ZNF735: variants seen among roughly 807,000 people sequenced by gnomAD.
ZNF735 encodes putative zinc finger protein 735.
In ZNF735, 11 loss-of-function variants were observed where a neutral mutation model predicts 13.4. The ratio of observed to expected loss-of-function variants is 0.82; its 90% CI spans 0.52 to 1.36. The LOEUF (loss-of-function observed/expected upper bound fraction) is 1.36. ZNF735 is among the 40% of genes most tolerant of loss of function. The pLI is 0.00. For synonymous variants in ZNF735, 171 were observed against 162.6 expected (o/e 1.05, Z -0.39); for missense variants, 500 against 484.6 (o/e 1.03, Z -0.30).
chr7:64,208,522 G>T (rs998008072), intron 1 of ZNF735, among the ~76,000 whole-genome samples: 3 of 151,956 alleles, frequency 2.0e-5, no homozygotes, highest in Admixed American at 2.0e-4. Context: ...CTCCCAACAG[G>T]CTTGGGTTAT....
chr7:64,217,749 C>A (rs1321173247), intron 3 of ZNF735, among the ~76,000 whole-genome samples: 1 of 151,488 alleles, frequency 6.6e-6, no homozygotes, highest in African/African-American at 2.4e-5. Context: ...AAGATTTTTT[C>A]TTTGTGCTAC....
intron 3 of ZNF735, among the ~76,000 whole-genome samples, chr7:64,216,869 G>A (rs578154458): frequency 1.3e-5 from 2 of 152,116 alleles, no homozygotes; most frequent in South Asian, 2.1e-4. Flanking sequence ...GCCTCCCAAA[G>A]TACTGGGGTT....
chr7:64,208,518 A>C (rs1015448053), intron 1 of ZNF735, among the ~76,000 whole-genome samples: 1 of 151,966 alleles, frequency 6.6e-6, no homozygotes, highest in Non-Finnish European at 1.5e-5. Context: ...CAGCCTCCCA[A>C]CAGGCTTGGG....
chr7:64,218,533 A>G (rs1227120742), intron 3 of ZNF735, among the ~76,000 whole-genome samples: 2 of 151,832 alleles, frequency 1.3e-5, no homozygotes, highest in African/African-American at 2.4e-5. Flanking sequence ...TTTTGTTGAC[A>G]TTCTCATTTA....
rs536339739 is a variant in ZNF735, at chr7:64,216,312, A to T, written c.262+2204A>T. Among the ~76,000 whole-genome samples, 262 of 151,944 alleles carry T rather than the reference A, an allele frequency of 1.7e-3. 4 individuals carry two copies. Among genetic ancestry groups the T allele is most frequent in the Admixed American group, 0.014 (219 of 15,244 alleles). The stretch of plus-strand genomic sequence containing the variant: ...CTCCATCTCAAAAAAAAAAAAATTT[A>T]AACAATATTTCAATAATAAATATAC... On this transcript the variant is annotated intron_variant, in intron 3 of 3. Coordinates refer to ENST00000429565, the Ensembl canonical transcript of ZNF735.
intron 1 of ZNF735, among the ~76,000 whole-genome samples, chr7:64,212,717 C>T (rs377071652): frequency 5.3e-5 from 8 of 150,922 alleles, no homozygotes; most frequent in Non-Finnish European, 7.4e-5. Flanking sequence ...CGATTGAACC[C>T]GAGGCGGAGG....
At chr7:64,207,370 C>G (rs1787301147) in intron 1 of ZNF735, 129 bp downstream of exon 1, 2 of 1,569,800 alleles carry the variant, frequency 1.3e-6, no homozygotes, top group Non-Finnish European at 1.7e-6. Flanking sequence ...CCTCCTTGGC[C>G]CAGTTCGGCT....
At chr7:64,214,738 A>T (rs935021535) in intron 3 of ZNF735, among the ~76,000 whole-genome samples, 1 of 152,028 alleles carries the variant, frequency 6.6e-6, no homozygotes, top group Non-Finnish European at 1.5e-5. Flanking sequence ...TTAGATATAG[A>T]TTCATAAATG....
intron 1 of ZNF735, among the ~76,000 whole-genome samples, chr7:64,211,891 AT>A (rs1162131027): frequency 0.37 from 36,504 of 99,112 alleles, 4,774 homozygotes; most frequent in African/African-American, 0.42. Flanking sequence ...AAGAAAAAAA[AT>A]ATATATATAT....
At chr7:64,210,723 T>A (rs1033895343) in intron 1 of ZNF735, among the ~76,000 whole-genome samples, 2 of 151,828 alleles carry the variant, frequency 1.3e-5, no homozygotes, top group African/African-American at 2.4e-5. Context: ...TTATATTTTA[T>A]TAGTTATGGA....
At chr7:64,214,935 T>G (rs1562833026) in intron 3 of ZNF735, among the ~76,000 whole-genome samples, 1 of 152,112 alleles carries the variant, frequency 6.6e-6, no homozygotes. Flanking sequence ...AAGGTAATTT[T>G]GTTTTGTATT....
rs1562832702 is a variant in ZNF735, at chr7:64,213,864, C to T, written c.167-149C>T. The T allele has an allele frequency of 1.3e-5, 8 of 620,346 alleles. No individual in the cohort carries two copies. The Admixed American group carries it at 2.1e-4, about 17-fold the overall frequency. 38.4% of individuals were successfully genotyped at this position (620,346 alleles called of 1,614,324 possible). The stretch of plus-strand genomic sequence containing the variant: ...GTCCCAGCTACTCAGGAGGCTGAGG[C>T]AGAAGCATTGCTTGCACCTGGGAAG... On this transcript the variant is annotated intron_variant, in intron 2 of 3. Coordinates refer to ENST00000429565, the Ensembl canonical transcript of ZNF735.
At position 64,214,238 on chromosome 7, in the gene ZNF735, T is replaced by C. The variant is rs1030738455; in HGVS notation, c.262+130T>C. On this transcript the variant is annotated intron_variant, in intron 3 of 3. Transcript: ENST00000429565. ...GAGTTTCTGAGAAGCTTGAGTATTT[T>C]TTATTTTTTATTTTTTTTATTTTTT... is the stretch of plus-strand genomic sequence containing the variant. 4 of 1,014,540 alleles carry C rather than the reference T, an allele frequency of 3.9e-6. No homozygotes were observed. In the African/African-American group the frequency reaches 6.7e-5, roughly 17 times the overall value. The allele number at this position is 1,014,540 out of a possible 1,614,324, so 62.8% of individuals were successfully genotyped here. A position where few individuals can be genotyped will look rare whatever the true frequency, so the allele number is the denominator to read the frequency against.
At chr7:64,219,489 C>A in exon 4 of ZNF735, 2 of 1,612,606 alleles carry the variant, frequency 1.2e-6, no homozygotes, top group African/African-American at 1.3e-5. Context: ...ATGACCTTAA[C>A]CAATGTTTGT....
intron 3 of ZNF735, among the ~76,000 whole-genome samples, chr7:64,215,683 A>G (rs1460967958): frequency 1.3e-5 from 2 of 150,624 alleles, no homozygotes; most frequent in Non-Finnish European, 3.0e-5. Context: ...TATTTTGTTT[A>G]AAATATTTTT....
chr7:64,213,252 A>G, intron 2 of ZNF735, 34 bp downstream of exon 2: 1 of 1,549,268 alleles, frequency 6.5e-7, no homozygotes, highest in Non-Finnish European at 8.7e-7. Context: ...TTCCTAATAT[A>G]TTGCCGTTCT....
At chr7:64,216,354 T>A (rs572796182) in intron 3 of ZNF735, among the ~76,000 whole-genome samples, 3 of 152,212 alleles carry the variant, frequency 2.0e-5, no homozygotes, top group African/African-American at 7.2e-5. Flanking sequence ...AATTTTGATA[T>A]AGATTATATT....
chr7:64,212,535 G>A (rs931027379), intron 1 of ZNF735, among the ~76,000 whole-genome samples: 2 of 152,152 alleles, frequency 1.3e-5, no homozygotes, highest in African/African-American at 2.4e-5. Context: ...GCTCATGCCT[G>A]CAATCCCAGC....
intron 1 of ZNF735, among the ~76,000 whole-genome samples, chr7:64,210,741 ATTG>A (rs112094906): frequency 0.039 from 5,913 of 152,242 alleles, 179 homozygotes; most frequent in East Asian, 0.16. Flanking sequence ...GGAGAAGCTC[ATTG>A]TTCTCTCATT....
Sources: allele counts gnomAD v4.1 joint callset (sites outside exome capture counted in the v4.1 genomes callset), GRCh38; gene constraint gnomAD v4.1.1; transcripts MANE v1.5; gene names NCBI Gene and HGNC (gene_info 2026-07-23, HGNC 2026-07-21).